LRWD1: variants seen among roughly 807,000 people sequenced by gnomAD.
The protein encoded by LRWD1 is leucine rich repeats and WD repeat domain containing 1, also known as leucine-rich repeat and WD repeat-containing protein 1.
LRWD1 carries 76 observed loss-of-function variants against 75.6 expected under a neutral mutation model. The ratio of observed to expected loss-of-function variants is 1.01; its 90% CI spans 0.84 to 1.22. The LOEUF (loss-of-function observed/expected upper bound fraction) is 1.22. LRWD1 is among the 50% of genes most tolerant of loss of function. LRWD1 has a pLI of 0.00. For synonymous variants in LRWD1, 487 were observed against 377.0 expected (o/e 1.29, Z -3.38); for missense variants, 917 against 862.0 (o/e 1.06, Z -0.80).
intron 3 of LRWD1, among the ~76,000 whole-genome samples, chr7:102,467,118 G>GGTGTGTGTGTGTGT (rs60020010): frequency 2.6e-5 from 3 of 114,446 alleles, no homozygotes. Context: ...TTGTTGCTGG[G>GGTGTGTGTGTGTGT]GTGTGTGTGT....
chr7:102,472,350 A>C, intron 12 of LRWD1, 41 bp downstream of exon 12: 1 of 1,553,356 alleles, frequency 6.4e-7, no homozygotes, highest in Non-Finnish European at 8.7e-7. Context: ...GCCTCCGGGC[A>C]CACAGATGGA....
At chr7:102,467,578 G>A in intron 4 of LRWD1, 99 bp downstream of exon 4, 2 of 1,543,872 alleles carry the variant, frequency 1.3e-6, no homozygotes, top group Non-Finnish European at 1.8e-6. Flanking sequence ...GTGGGAGTGG[G>A]GTGAGTCAGG....
At chr7:102,467,950 CCCCGGGCCAG>C (rs1798062929) in intron 5 of LRWD1, 102 bp from the exon 6 acceptor site, 2 of 1,509,414 alleles carry the variant, frequency 1.3e-6, no homozygotes, top group Admixed American at 4.3e-5. Context: ...CCCTAGGTGA[CCCCGGGCCAG>C]CCTGGGCCTC....
intron 5 of LRWD1, 61 bp from the exon 6 acceptor site, chr7:102,468,001 G>C: frequency 6.3e-7 from 1 of 1,581,886 alleles, no homozygotes; most frequent in Admixed American, 1.7e-5. Flanking sequence ...GGTCCAGCCT[G>C]TGATGGGGAG....
Position 102,468,732 on chromosome 7 carries a change from C to T in LRWD1, c.1020+78C>T. 5 of 1,522,782 alleles carry T rather than the reference C, an allele frequency of 3.3e-6. No individual in the cohort carries two copies. The South Asian group carries it at 3.6e-5, about 11-fold the overall frequency. 94.3% of individuals were successfully genotyped at this position (1,522,782 alleles called of 1,614,324 possible). ...ACAGCAGCATGGGGATGGATGCAGG[C>T]TCGGCCCCCTGCCCCATGGCCTTTT... is the stretch of plus-strand genomic sequence containing the variant. On this transcript the variant is annotated intron_variant, in intron 8 of 14. Transcript: ENST00000292616.
intron 4 of LRWD1, 76 bp from the exon 5 acceptor site, chr7:102,467,643 C>A (rs898577722): frequency 2.0e-6 from 3 of 1,506,718 alleles, no homozygotes; most frequent in Admixed American, 3.9e-5. Flanking sequence ...AGCATAAGCT[C>A]CCCCTGACTA....
At chr7:102,472,106 G>A (rs1798210297) in intron 11 of LRWD1, 112 bp from the exon 12 acceptor site, 2 of 952,780 alleles carry the variant, frequency 2.1e-6, no homozygotes, top group Admixed American at 2.0e-5. Context: ...CATCTTCTGT[G>A]CAGCCTTCAC....
chr7:102,469,969 A>ATAAGGG, intron 11 of LRWD1, 87 bp downstream of exon 11: 1 of 1,405,216 alleles, frequency 7.1e-7, no homozygotes, highest in South Asian at 1.5e-5. Context: ...GCCTGGGCAC[A>ATAAGGG]CCCGGGTAAC....
rs759416316 is a variant in LRWD1, at chr7:102,468,990, G to A, written c.1156G>A (p.Gly386Arg). 1.4e-5 allele frequency: 23 copies of A among 1,612,690 alleles called. No individual in the cohort carries two copies. The highest frequency in any genetic ancestry group is 4.5e-5 in the East Asian group (2 of 44,880). ...LLHVRAGFCC[G>R]VIRAHKKAIA... ...GCACGTGCGTGCCGGCTTCTGCTGC[G>A]GGGTCATCCGAGCCCACAAGAAGGC... The change falls in exon 9 of 15, where the codon GGG (glycine) becomes AGG (arginine). Residue 386 changes from glycine to arginine, a missense_variant. Transcript: ENST00000292616.
intron 11 of LRWD1, chr7:102,470,665 T>C (rs1475423450): frequency 6.6e-6 from 1 of 152,302 alleles, no homozygotes; most frequent in Non-Finnish European, 1.5e-5. Flanking sequence ...TGCTCCACCA[T>C]GTGGCCACAG....
At chr7:102,467,178 G>GTGTATGTGTA (rs1563654290) in intron 3 of LRWD1, among the ~76,000 whole-genome samples, 161 bp from the exon 4 acceptor site, 1 of 124,606 alleles carries the variant, frequency 8.0e-6, no homozygotes, top group Non-Finnish European at 1.8e-5. Context: ...TGGGGTGTGT[G>GTGTATGTGTA]TGTGTGTGTG....
chr7:102,469,836 G>GGCTGCT lies in LRWD1; in HGVS notation c.1404_1409dup (p.Cys468_Cys469dup). The GGCTGCT allele has an allele frequency of 6.2e-7, 1 of 1,604,194 alleles. No individual in the cohort carries two copies. Among genetic ancestry groups the GGCTGCT allele is most frequent in the Non-Finnish European group, 8.5e-7 (1 of 1,176,174 alleles). On this transcript the variant is annotated inframe_insertion, in exon 11 of 15. Transcript: ENST00000292616. ...CCGCCTGCTGGCCGGCTGCGAGGGCGGCTGCTGCTGCTGGGACGTGCGGCT... is the reference window on the plus strand; with the variant it reads ...CCGCCTGCTGGCCGGCTGCGAGGGCGGCTGCTGCTGCTGCTGCTGGGACGTGCGGCT...
intron 3 of LRWD1, among the ~76,000 whole-genome samples, chr7:102,466,750 T>G (rs1254753813): frequency 6.9e-6 from 1 of 144,582 alleles, no homozygotes; most frequent in Non-Finnish European, 1.5e-5. Flanking sequence ...CTGGGGTGTT[T>G]CTTTTTTACC....
Position 102,465,075 on chromosome 7 carries a change from C to T in LRWD1, c.-6C>T. 1 of 1,484,120 alleles carries T rather than the reference C, an allele frequency of 6.7e-7. No individual in the cohort carries two copies. Among genetic ancestry groups the T allele is most frequent in the Non-Finnish European group, 8.9e-7 (1 of 1,119,004 alleles). The allele number at this position is 1,484,120 out of a possible 1,614,324, so 91.9% of individuals were successfully genotyped here. On this transcript the variant is annotated 5_prime_UTR_variant, in exon 1 of 15. Transcript: ENST00000292616. ...ACTGGGTCAGCGCGGGCTGCGCCTC[C>T]TCGCCATGGGCCCCCTCTCGGCGCG...
chr7:102,465,200 C>T, intron 1 of LRWD1, 40 bp downstream of exon 1: 1 of 1,408,316 alleles, frequency 7.1e-7, no homozygotes, highest in Non-Finnish European at 9.3e-7. Context: ...TCCTCGGGGC[C>T]GGGCGGTCGG....
rs1245369402 is a variant in LRWD1, at chr7:102,468,267, C to A, written c.809C>A (p.Ala270Asp). The A allele has an allele frequency of 3.1e-6, 5 of 1,607,560 alleles. No homozygotes were observed. Among genetic ancestry groups the A allele is most frequent in the Non-Finnish European group, 4.2e-6 (5 of 1,177,640 alleles). Residue 270 changes from alanine to aspartate, a missense_variant, in exon 7 of 15, where the codon GCT (alanine) becomes GAT (aspartate). Ala to Asp is a moderately radical substitution (Grantham distance 126, BLOSUM62 -2). Coordinates refer to ENST00000292616, the MANE Select transcript of LRWD1 (RefSeq NM_152892.3). The stretch of plus-strand genomic sequence containing the variant: ...GACCCTTCTCTCCCCCCACAGCCTG[C>A]TGTGAAGCTGGAGCCCCTGCACTTC... ...PVAGSDGSQP[A>D]VKLEPLHFLQ...
Position 102,467,371 on chromosome 7 carries a change from A to C in LRWD1, c.465A>C (p.Thr155=), listed in dbSNP as rs1479165739. The change falls in exon 4 of 15, where the codon ACA becomes ACC. Residue 155 remains threonine, a synonymous_variant. Transcript: ENST00000292616. Reference sequence around the variant, plus strand: ...CTCACTGGGAGAAGTTCATGGCCACACTGGGTCCTGAAGAGGAGGCTGAGA... The same window carrying C: ...CTCACTGGGAGAAGTTCATGGCCACCCTGGGTCCTGAAGAGGAGGCTGAGA... The part of the protein sequence containing the change: ...VTAHWEKFMA[T]LGPEEEAEKA... The C allele has an allele frequency of 3.7e-6, 6 of 1,612,720 alleles. No homozygotes were observed. The Admixed American group carries it at 6.7e-5, about 18-fold the overall frequency.
chr7:102,471,022 C>G (rs140797084), intron 11 of LRWD1: 17 of 152,308 alleles, frequency 1.1e-4, no homozygotes, highest in African/African-American at 3.4e-4. Context: ...TCCACCCCCC[C>G]ACCGGGTTCA....
Position 102,469,046 on chromosome 7 carries a change from C to T in LRWD1, c.1212C>T (p.His404=), listed in dbSNP as rs201885983. The T allele has an allele frequency of 6.6e-5, 106 of 1,607,088 alleles. No individual in the cohort carries two copies. In the East Asian group the frequency reaches 1.8e-3, roughly 27 times the overall value. The change falls in exon 9 of 15, where the codon CAC becomes CAT. Residue 404 remains histidine (H), a synonymous_variant. Transcript: ENST00000292616. ...CCACCCTGTGCTTCAGCCCCGCCCACGAGACCCATCTCTTCAGTAAGCCCC... is the reference window on the plus strand; with the variant it reads ...CCACCCTGTGCTTCAGCCCCGCCCATGAGACCCATCTCTTCAGTAAGCCCC... The part of the protein sequence containing the change: ...AIATLCFSPA[H]ETHLFTASYD...
Sources: gnomAD v4.1 joint callset for allele counts (sites outside exome capture counted in the v4.1 genomes callset) on GRCh38, gnomAD v4.1.1 for gene constraint, MANE v1.5 for transcripts, NCBI Gene and HGNC (gene_info 2026-07-23, HGNC 2026-07-21) for gene names.